ROBO2: variants seen among roughly 807,000 people sequenced by gnomAD.
ROBO2 encodes the protein roundabout guidance receptor 2.
A neutral mutation model predicts 160.8 loss-of-function variants in ROBO2; 53 were observed. The ratio of observed to expected loss-of-function variants is 0.33; its 90% CI spans 0.26 to 0.41. The LOEUF (loss-of-function observed/expected upper bound fraction) is 0.41, where lower values mean the gene tolerates loss of function less well. Ranked by LOEUF, ROBO2 falls within the 10% of genes least tolerant of loss-of-function variation. ROBO2 has a pLI of 1.00. For missense variants in ROBO2, 1,577 were observed against 1,722.4 expected, an observed-to-expected ratio of 0.92 and a Z score of 1.49; for synonymous variants, 664 against 611.7, an observed-to-expected ratio of 1.09 and a Z score of -1.26.
At chr3:76,636,938 AG>A (rs2090372099) in intron 2 of ROBO2, among the ~76,000 whole-genome samples, 1 of 122,752 alleles carries the variant, frequency 8.1e-6, no homozygotes, top group African/African-American at 3.4e-5. Flanking sequence ...GGTAGAATAG[AG>A]TGATGGCAGG....
chr3:77,617,151 G>A (rs1253483403), intron 21 of ROBO2, among the ~76,000 whole-genome samples: 1 of 152,144 alleles, frequency 6.6e-6, no homozygotes, highest in African/African-American at 2.4e-5. Flanking sequence ...GTATGAACAG[G>A]AGAAGGAAGC....
At chr3:77,531,763 C>T (rs1449635809) in intron 6 of ROBO2, among the ~76,000 whole-genome samples, 1 of 152,034 alleles carries the variant, frequency 6.6e-6, no homozygotes, top group Non-Finnish European at 1.5e-5. Flanking sequence ...TGTTTGGATG[C>T]ACTTTTTGCA....
At chr3:77,447,927 T>G (rs1458536501) in intron 2 of ROBO2, among the ~76,000 whole-genome samples, 1 of 152,146 alleles carries the variant, frequency 6.6e-6, no homozygotes. Context: ...AACTGTTGAA[T>G]ATAAACTCTT....
Position 77,015,557 on chromosome 3 carries a change from G to A in ROBO2, c.110-82457G>A, listed in dbSNP as rs1035665606. Among the ~76,000 whole-genome samples, 11 of 152,170 alleles carry A rather than the reference G, an allele frequency of 7.2e-5. No homozygotes were observed. The East Asian group carries it at 9.6e-4, about 13-fold the overall frequency. ...TAGGATGACATTTAACAATGTTGGCGTTGGGTAGCATCATAAAAAATCAAT... is the reference window on the plus strand; with the variant it reads ...TAGGATGACATTTAACAATGTTGGCATTGGGTAGCATCATAAAAAATCAAT... On this transcript the variant is annotated intron_variant, in intron 2 of 26. Transcript: ENST00000487694.
At chr3:76,875,330 G>C (rs948420621) in intron 2 of ROBO2, among the ~76,000 whole-genome samples, 2 of 152,172 alleles carry the variant, frequency 1.3e-5, no homozygotes, top group Non-Finnish European at 2.9e-5. Flanking sequence ...CCAGTCTCAG[G>C]TGTTTTGCTA....
At chr3:77,351,604 G>C (rs2153458655) in intron 2 of ROBO2, among the ~76,000 whole-genome samples, 1 of 152,198 alleles carries the variant, frequency 6.6e-6, no homozygotes, top group South Asian at 2.1e-4. Flanking sequence ...TTAACAAAGT[G>C]GCAGAGTCAT....
At chr3:76,552,214 A>T (rs1161157033) in intron 2 of ROBO2, among the ~76,000 whole-genome samples, 1 of 152,250 alleles carries the variant, frequency 6.6e-6, no homozygotes, top group Non-Finnish European at 1.5e-5. Context: ...CATAGGTTAT[A>T]TGTAAATACT....
chr3:76,423,740 G>A (rs1157030232), intron 2 of ROBO2, among the ~76,000 whole-genome samples: 1 of 152,180 alleles, frequency 6.6e-6, no homozygotes, highest in African/African-American at 2.4e-5. Flanking sequence ...AAGTCCACCG[G>A]ATGACAGGTC....
intron 2 of ROBO2, among the ~76,000 whole-genome samples, chr3:77,470,206 G>A (rs1034219611): frequency 2.0e-5 from 3 of 152,098 alleles, no homozygotes; most frequent in African/African-American, 7.2e-5. Flanking sequence ...ATATTAAGGA[G>A]AGAATTTTAT....
intron 6 of ROBO2, among the ~76,000 whole-genome samples, chr3:77,532,576 T>A (rs1475249534): frequency 6.6e-6 from 1 of 151,980 alleles, no homozygotes; most frequent in Non-Finnish European, 1.5e-5. Context: ...CTTTCCTTAG[T>A]CTCAATTTCA....
intron 2 of ROBO2, among the ~76,000 whole-genome samples, chr3:76,901,261 A>T: frequency 6.6e-6 from 1 of 151,958 alleles, no homozygotes; most frequent in African/African-American, 2.4e-5. Flanking sequence ...TTTAACTTTT[A>T]ATTTTTATTT....
intron 2 of ROBO2, among the ~76,000 whole-genome samples, chr3:76,397,210 AC>A (rs1242361240): frequency 3.3e-5 from 5 of 152,332 alleles, no homozygotes; most frequent in African/African-American, 1.2e-4. Context: ...TCTGAGGAGA[AC>A]AAGCAATGGG....
At chr3:77,122,302 G>A (rs1305063523) in intron 2 of ROBO2, among the ~76,000 whole-genome samples, 2 of 152,138 alleles carry the variant, frequency 1.3e-5, no homozygotes, top group African/African-American at 4.8e-5. Flanking sequence ...CTCTAAAAAT[G>A]TAGACTCTTT....
intron 2 of ROBO2, among the ~76,000 whole-genome samples, chr3:77,135,511 C>T (rs988776243): frequency 2.0e-5 from 3 of 152,136 alleles, no homozygotes; most frequent in Non-Finnish European, 4.4e-5. Flanking sequence ...GGTGATTCTT[C>T]CACTTCAGCC....
At chr3:76,122,667 C>G (rs190678652) in intron 2 of ROBO2, among the ~76,000 whole-genome samples, 40 of 152,068 alleles carry the variant, frequency 2.6e-4, no homozygotes, top group Admixed American at 9.2e-4. Context: ...CTTCTAAGTC[C>G]TTACTTATTT....
At chr3:77,268,012 T>C (rs1315913899) in intron 2 of ROBO2, among the ~76,000 whole-genome samples, 1 of 152,210 alleles carries the variant, frequency 6.6e-6, no homozygotes, top group South Asian at 2.1e-4. Context: ...CTGCCTAGAA[T>C]AGAAAGCAAA....
intron 2 of ROBO2, among the ~76,000 whole-genome samples, chr3:77,241,390 T>G (rs2089016179): frequency 6.6e-6 from 1 of 152,250 alleles, no homozygotes; most frequent in Non-Finnish European, 1.5e-5. Flanking sequence ...ATTTGTAAGT[T>G]TGACTCAAAC....
chr3:77,308,091 TTTC>T (rs1292785241), intron 2 of ROBO2, among the ~76,000 whole-genome samples: 1 of 149,818 alleles, frequency 6.7e-6, no homozygotes, highest in Non-Finnish European at 1.5e-5. Context: ...AAAGGAGATA[TTTC>T]TTTTTTTTTT....
intron 2 of ROBO2, among the ~76,000 whole-genome samples, chr3:76,670,901 T>C (rs1261169264): frequency 1.3e-5 from 2 of 151,482 alleles, no homozygotes; most frequent in South Asian, 4.2e-4. Flanking sequence ...TAATGAACCC[T>C]TAAAATGAAT....
Sources: gnomAD v4.1 joint callset for allele counts (sites outside exome capture counted in the v4.1 genomes callset) on GRCh38, gnomAD v4.1.1 for gene constraint, MANE v1.5 for transcripts, NCBI Gene and HGNC (gene_info 2026-07-23, HGNC 2026-07-21) for gene names.